Variants in CADM1 observed in about 807,000 individuals in gnomAD.
CADM1 encodes cell adhesion molecule 1.
A neutral mutation model predicts 53.1 loss-of-function variants in CADM1; 15 were observed. The ratio of observed to expected loss-of-function variants is 0.28; its 90% confidence interval spans 0.19 to 0.44. The LOEUF is 0.44. Ranked by LOEUF, CADM1 falls within the 20% of genes least tolerant of loss-of-function variation. The probability of loss-of-function intolerance (pLI) is 1.00; values close to 1 mark genes in which losing one functional copy is unlikely to be tolerated. For synonymous variants in CADM1, 281 were observed against 243.0 expected, an observed-to-expected ratio of 1.16 and a Z score of -1.45; for missense variants, 434 against 611.3, an observed-to-expected ratio of 0.71 and a Z score of 3.06.
intron 1 of CADM1, among the ~76,000 whole-genome samples, chr11:115,308,227 G>A (rs1348692841): frequency 1.1e-5 from 1 of 93,442 alleles, no homozygotes; most frequent in African/African-American, 4.2e-5. Flanking sequence ...CCTATGAGAA[G>A]GTTTTTGTCC....
intron 1 of CADM1, among the ~76,000 whole-genome samples, chr11:115,451,668 C>T (rs959427930): frequency 2.1e-4 from 32 of 152,134 alleles, no homozygotes; most frequent in Admixed American, 2.6e-4. Flanking sequence ...CATGAGCAAT[C>T]CCCACAGAGA....
At chr11:115,193,813 A>C (rs1273106174) in intron 9 of CADM1, 1 of 152,164 alleles carries the variant, frequency 6.6e-6, no homozygotes, top group Non-Finnish European at 1.5e-5. Context: ...ATGAAAAACA[A>C]AGTAGGCGAT....
chr11:115,280,951 C>T (rs971144539), intron 1 of CADM1, among the ~76,000 whole-genome samples: 4 of 152,232 alleles, frequency 2.6e-5, no homozygotes, highest in Non-Finnish European at 5.9e-5. Context: ...TCTCCCTAGA[C>T]AGTTTGTCAA....
At chr11:115,308,175 G>GTGTGTGTGTGTGTA (rs1353212174) in intron 1 of CADM1, among the ~76,000 whole-genome samples, 3 of 117,454 alleles carry the variant, frequency 2.6e-5, no homozygotes, top group African/African-American at 1.1e-4. Context: ...GTGTGTGTGT[G>GTGTGTGTGTGTGTA]TATATCACTC....
At chr11:115,229,057 G>A (rs1941719959) in intron 5 of CADM1, 56 bp downstream of exon 5, 1 of 1,553,748 alleles carries the variant, frequency 6.4e-7, no homozygotes, top group Non-Finnish European at 8.9e-7. Flanking sequence ...GGCTTCTGAA[G>A]AGTTTCTATG....
rs314486 is a variant in CADM1 at position 115,454,675 on chromosome 11, C to T, written c.124+49596G>A. On this transcript the variant is annotated intron_variant, in intron 1 of 11. Transcript: ENST00000331581. ...TGGACTTAACATACATACCTGCTGTCTCTGACTAAAGGCCAGGATTCTCCC... is the reference window on the plus strand; with the variant it reads ...TGGACTTAACATACATACCTGCTGTTTCTGACTAAAGGCCAGGATTCTCCC... Among the ~76,000 whole-genome samples, 375 of 152,322 alleles carry T rather than the reference C, an allele frequency of 2.5e-3. 1 individual carries two copies. The highest frequency in any genetic ancestry group is 8.2e-3 in the African/African-American group (339 of 41,578).
chr11:115,431,642 AG>A (rs1272273381), intron 1 of CADM1, among the ~76,000 whole-genome samples: 7 of 152,088 alleles, frequency 4.6e-5, no homozygotes, highest in African/African-American at 1.7e-4. Context: ...CTCTCTGCCC[AG>A]ATCTCTGACT....
At chr11:115,351,689 C>T (rs760410380) in intron 1 of CADM1, among the ~76,000 whole-genome samples, 4 of 152,154 alleles carry the variant, frequency 2.6e-5, no homozygotes, top group Non-Finnish European at 5.9e-5. Flanking sequence ...ATCTTTTAAA[C>T]CTCTGGACAC....
chr11:115,269,550 C>T (rs1286833083), intron 1 of CADM1, among the ~76,000 whole-genome samples: 1 of 152,184 alleles, frequency 6.6e-6, no homozygotes, highest in Non-Finnish European at 1.5e-5. Context: ...TCAGTACATA[C>T]TCTGTGGGGG....
Position 115,393,463 on chromosome 11 carries a change from T to C in CADM1, c.124+110808A>G, listed in dbSNP as rs1946896950. On this transcript the variant is annotated intron_variant, in intron 1 of 11. Coordinates refer to ENST00000331581, the MANE Select transcript of CADM1 (RefSeq NM_001301043.2). ...GAAAGACTTAATAGAAAAGTTGGGA[T>C]AAAATATACTTTTCGGGGTTGTCAT... Among the ~76,000 whole-genome samples the C allele has an allele frequency of 2.0e-5, 3 of 151,416 alleles. No homozygotes were observed. In the South Asian group the frequency reaches 6.3e-4, roughly 32 times the overall value.
chr11:115,483,806 A>T (rs1949309196), intron 1 of CADM1, among the ~76,000 whole-genome samples: 1 of 152,230 alleles, frequency 6.6e-6, no homozygotes, highest in Non-Finnish European at 1.5e-5. Context: ...TTAAAAATTC[A>T]GCCCCTTAGT....
intron 1 of CADM1, among the ~76,000 whole-genome samples, chr11:115,342,505 T>G (rs1945475103): frequency 6.6e-6 from 1 of 152,170 alleles, no homozygotes; most frequent in Non-Finnish European, 1.5e-5. Flanking sequence ...AGTCAAGGGC[T>G]AGTATATGCA....
chr11:115,280,264 G>T (rs979119166), intron 1 of CADM1, among the ~76,000 whole-genome samples: 1 of 152,156 alleles, frequency 6.6e-6, no homozygotes, highest in South Asian at 2.1e-4. Flanking sequence ...GGACAATAGA[G>T]ACTCATCAGT....
At chr11:115,332,968 C>G (rs1945171859) in intron 1 of CADM1, among the ~76,000 whole-genome samples, 1 of 152,128 alleles carries the variant, frequency 6.6e-6, no homozygotes, top group African/African-American at 2.4e-5. Flanking sequence ...AGGAACTCTT[C>G]ACTTCTCACT....
chr11:115,477,388 A>AT (rs1949159132), intron 1 of CADM1, among the ~76,000 whole-genome samples: 1 of 152,216 alleles, frequency 6.6e-6, no homozygotes, highest in Admixed American at 6.5e-5. Context: ...TCCAATGGTT[A>AT]TTTCTAAGAA....
intron 1 of CADM1, among the ~76,000 whole-genome samples, chr11:115,416,665 C>T (rs1030680170): frequency 5.3e-5 from 8 of 151,346 alleles, no homozygotes; most frequent in African/African-American, 1.9e-4. Context: ...TAGCCTCAAA[C>T]CCCCTTCATG....
chr11:115,252,058 C>T (rs533560906), intron 1 of CADM1, among the ~76,000 whole-genome samples: 1 of 152,252 alleles, frequency 6.6e-6, no homozygotes, highest in East Asian at 1.9e-4. Flanking sequence ...GTGAGAAGAA[C>T]ATTACCTATG....
chr11:115,200,880 A>G (rs1940393741), intron 8 of CADM1, among the ~76,000 whole-genome samples: 1 of 152,214 alleles, frequency 6.6e-6, no homozygotes, highest in Non-Finnish European at 1.5e-5. Flanking sequence ...AGAGTCATCA[A>G]AAATAATATC....
chr11:115,462,545 A>G (rs562241265), intron 1 of CADM1, among the ~76,000 whole-genome samples: 1 of 152,218 alleles, frequency 6.6e-6, no homozygotes, highest in Non-Finnish European at 1.5e-5. Flanking sequence ...CATCTCACAC[A>G]GAATTAAAAC....
Sources: allele counts gnomAD v4.1 joint callset (sites outside exome capture counted in the v4.1 genomes callset), GRCh38; gene constraint gnomAD v4.1.1; transcripts MANE v1.5; gene names NCBI Gene and HGNC (gene_info 2026-07-23, HGNC 2026-07-21).